The following DIAPH2 variants were observed in gnomAD, a reference collection of about 807,000 sequenced individuals.
The protein encoded by DIAPH2 is protein diaphanous homolog 2.
Under a neutral mutation model 92.7 loss-of-function variants are expected in DIAPH2, and 35 were observed. That is an observed-to-expected ratio of 0.38 (90% CI 0.29 to 0.50). The LOEUF is 0.50. Ranked by LOEUF, DIAPH2 falls within the 20% of genes least tolerant of loss-of-function variation. DIAPH2 has a pLI of 0.94. For synonymous variants in DIAPH2, 301 were observed against 280.4 expected (o/e 1.07, Z -0.73); for missense variants, 701 against 819.5 (o/e 0.86, Z 1.77).
intron 17 of DIAPH2, among the ~76,000 whole-genome samples, chrX:97,008,783 C>T (rs1233641970): frequency 9.0e-6 from 1 of 111,519 alleles, no homozygotes; most frequent in African/African-American, 3.3e-5. Context: ...TAAACAGTCT[C>T]TATTCTGTGT....
intron 26 of DIAPH2, among the ~76,000 whole-genome samples, chrX:97,484,277 G>A (rs1318518861): frequency 1.8e-5 from 2 of 111,367 alleles, no homozygotes; most frequent in South Asian, 3.7e-4. Flanking sequence ...ATCTAATTCC[G>A]TTTTTACCAT....
chrX:97,387,054 GT>G (rs910792706), intron 25 of DIAPH2, among the ~76,000 whole-genome samples: 1 of 110,780 alleles, frequency 9.0e-6, no homozygotes, highest in African/African-American at 3.3e-5. Flanking sequence ...GTTTTGTTTT[GT>G]TTTTTTGTTT....
chrX:97,297,533 G>C (rs993842079), intron 23 of DIAPH2, among the ~76,000 whole-genome samples: 4 of 108,730 alleles, frequency 3.7e-5, no homozygotes, highest in Non-Finnish European at 7.6e-5. Context: ...ACATGAGCTA[G>C]TGAGTGAAAG....
chrX:97,594,424 T>TGTAA (rs2071537730), intron 26 of DIAPH2, among the ~76,000 whole-genome samples: 1 of 112,437 alleles, frequency 8.9e-6, no homozygotes, highest in Non-Finnish European at 1.9e-5. Context: ...GGGGAAAAAA[T>TGTAA]GTAAGTCCAT....
chrX:96,748,121 G>A (rs904600467), intron 3 of DIAPH2, among the ~76,000 whole-genome samples: 2 of 112,057 alleles, frequency 1.8e-5, no homozygotes, highest in African/African-American at 6.5e-5. Context: ...TTATTGCCGA[G>A]CATGATTTTT....
chrX:96,744,823 A>G (rs1411870199), intron 3 of DIAPH2, among the ~76,000 whole-genome samples: 1 of 111,111 alleles, frequency 9.0e-6, no homozygotes, highest in Non-Finnish European at 1.9e-5. Context: ...ATAACGTAAA[A>G]GGTGTTCTTG....
chrX:97,411,204 C>T (rs2069869040), intron 25 of DIAPH2, among the ~76,000 whole-genome samples: 1 of 112,245 alleles, frequency 8.9e-6, no homozygotes, highest in African/African-American at 3.2e-5. Flanking sequence ...AACAGCAGAT[C>T]TCTCAGCAGA....
chrX:97,282,034 GAAA>G (rs1387944018), intron 23 of DIAPH2, among the ~76,000 whole-genome samples: 1 of 108,157 alleles, frequency 9.2e-6, no homozygotes, highest in Non-Finnish European at 1.9e-5. Context: ...AAGAAAAAAA[GAAA>G]AAAAAAGCAT....
chrX:97,601,101 C>A lies in DIAPH2; in HGVS notation c.*1784C>A, dbSNP rs1399129293. On this transcript the variant is annotated 3_prime_UTR_variant, in exon 27 of 27. Transcript: ENST00000324765. The stretch of plus-strand genomic sequence containing the variant: ...CAGTAACACTGTTTTTTAACAACAA[C>A]AAAAGTTTAGGTTCTAATTTATGTA... 1 of 112,270 alleles carries A rather than the reference C, an allele frequency of 8.9e-6. No individual in the cohort carries two copies. 9.3% of individuals were successfully genotyped at this position (112,270 alleles called of 1,213,427 possible).
At chrX:96,839,013 C>G (rs939469003) in intron 4 of DIAPH2, among the ~76,000 whole-genome samples, 1 of 111,610 alleles carries the variant, frequency 9.0e-6, no homozygotes, top group South Asian at 3.8e-4. Flanking sequence ...GCATGTAATT[C>G]TCATTTGTTA....
chrX:97,211,637 T>C (rs752452529), intron 22 of DIAPH2, among the ~76,000 whole-genome samples: 1 of 111,813 alleles, frequency 8.9e-6, no homozygotes, highest in Non-Finnish European at 1.9e-5. Context: ...CATCCTGCCA[T>C]GTTGCCACAC....
chrX:97,502,190 G>A (rs2070803518), intron 26 of DIAPH2, among the ~76,000 whole-genome samples: 1 of 112,218 alleles, frequency 8.9e-6, no homozygotes, highest in Non-Finnish European at 1.9e-5. Context: ...TTTCTTCGCA[G>A]CATGAGGGAC....
At chrX:97,044,798 C>T (rs1030927914) in intron 17 of DIAPH2, among the ~76,000 whole-genome samples, 17 of 110,985 alleles carry the variant, frequency 1.5e-4, no homozygotes, top group African/African-American at 4.9e-4. Flanking sequence ...AGAGCAAAGC[C>T]CCTTGAAAAA....
chrX:97,336,243 C>CTTTTTT (rs1186112131), intron 23 of DIAPH2, among the ~76,000 whole-genome samples: 70 of 91,710 alleles, frequency 7.6e-4, no homozygotes, highest in Non-Finnish European at 8.7e-4. Flanking sequence ...CTTTTCTTTT[C>CTTTTTT]TTTTTTTTTT....
intron 1 of DIAPH2, among the ~76,000 whole-genome samples, chrX:96,733,616 G>A (rs184483269): frequency 2.7e-4 from 30 of 111,895 alleles, no homozygotes; most frequent in Admixed American, 1.9e-4. Flanking sequence ...GTGACATGAC[G>A]TGACTTCAGT....
At chrX:97,131,721 A>G (rs1458576617) in intron 21 of DIAPH2, among the ~76,000 whole-genome samples, 1 of 112,769 alleles carries the variant, frequency 8.9e-6, no homozygotes, top group African/African-American at 3.2e-5. Flanking sequence ...TTCTATACCA[A>G]TTTAAATAAT....
chrX:97,496,253 A>G (rs1602628103), intron 26 of DIAPH2, among the ~76,000 whole-genome samples: 1 of 88,838 alleles, frequency 1.1e-5, no homozygotes, highest in Non-Finnish European at 2.1e-5. Flanking sequence ...TTGGCTCACC[A>G]CAACCTCCAT....
intron 4 of DIAPH2, among the ~76,000 whole-genome samples, chrX:96,856,583 A>G (rs1349538097): frequency 1.7e-5 from 1 of 58,768 alleles, no homozygotes; most frequent in Non-Finnish European, 2.7e-5. Context: ...TAATATATAT[A>G]TTTAAAAAAA....
chrX:97,069,920 G>C (rs1245524378), intron 17 of DIAPH2, among the ~76,000 whole-genome samples: 5 of 111,511 alleles, frequency 4.5e-5, no homozygotes, highest in African/African-American at 1.6e-4. Context: ...TATTTATGCT[G>C]ATGAGCATTT....
Sources: allele counts gnomAD v4.1 joint callset (sites outside exome capture counted in the v4.1 genomes callset), GRCh38; gene constraint gnomAD v4.1.1; transcripts MANE v1.5; gene names NCBI Gene and HGNC (gene_info 2026-07-23, HGNC 2026-07-21).